L3MBTL4: variants seen among roughly 807,000 people sequenced by gnomAD.
L3MBTL4 encodes lethal(3)malignant brain tumor-like protein 4.
L3MBTL4 carries 70 observed loss-of-function variants against 84.5 expected under a neutral mutation model. The observed-to-expected ratio is 0.83, with a 90% confidence interval of 0.68 to 1.01. L3MBTL4 has a LOEUF of 1.01. Among genes scored for constraint, L3MBTL4 ranks in the 50% least tolerant of loss-of-function variants. L3MBTL4 has a pLI of 0.00. For synonymous variants in L3MBTL4, 274 were observed against 259.8 expected, an observed-to-expected ratio of 1.05 and a Z score of -0.52; for missense variants, 715 against 754.8, an observed-to-expected ratio of 0.95 and a Z score of 0.62.
At chr18:6,355,738 C>T (rs2053413454) in intron 1 of L3MBTL4, among the ~76,000 whole-genome samples, 1 of 152,046 alleles carries the variant, frequency 6.6e-6, no homozygotes, top group South Asian at 2.1e-4. Flanking sequence ...ATATTAAAAA[C>T]CCATTAACTT....
At chr18:6,411,698 T>C (rs1239126105) in intron 1 of L3MBTL4, among the ~76,000 whole-genome samples, 1 of 152,180 alleles carries the variant, frequency 6.6e-6, no homozygotes, top group Non-Finnish European at 1.5e-5. Context: ...TTTCTCTCAA[T>C]GCTAGTTTAG....
At chr18:6,199,188 C>T (rs2045539701) in intron 12 of L3MBTL4, among the ~76,000 whole-genome samples, 1 of 152,142 alleles carries the variant, frequency 6.6e-6, no homozygotes, top group African/African-American at 2.4e-5. Flanking sequence ...CATCAGCTTC[C>T]TAGGAGCAGG....
chr18:5,960,211 G>A, intron 17 of L3MBTL4, 55 bp from the exon 18 acceptor site: 2 of 1,089,530 alleles, frequency 1.8e-6, no homozygotes, highest in Non-Finnish European at 1.3e-6. Context: ...ATAATTTGGG[G>A]GTTGCAGTAA....
At chr18:6,066,742 G>A (rs183665430) in intron 16 of L3MBTL4, among the ~76,000 whole-genome samples, 1 of 151,896 alleles carries the variant, frequency 6.6e-6, no homozygotes, top group African/African-American at 2.4e-5. Flanking sequence ...TTAAGTTTAT[G>A]TGACTCCTTA....
At chr18:5,989,718 T>C (rs533536333) in intron 16 of L3MBTL4, among the ~76,000 whole-genome samples, 101 of 152,330 alleles carry the variant, frequency 6.6e-4, no homozygotes, top group African/African-American at 2.4e-3. Flanking sequence ...GCAGTTATTA[T>C]GTGCTCTCAG....
At position 6,002,116 on chromosome 18, in the gene L3MBTL4, C is replaced by T. The variant is rs780223001; in HGVS notation, c.1445-32554G>A. 5.9e-4 allele frequency among the ~76,000 whole-genome samples: 90 copies of T among 152,110 alleles called. 1 individual carries two copies. The highest frequency in any genetic ancestry group is 1.4e-3 in the Admixed American group (22 of 15,278). The stretch of plus-strand genomic sequence containing the variant: ...GAAGAATTTCTTAGCCAAAACTTTG[C>T]TGGCCAGAATGCAGTAGAATGATAT... On this transcript the variant is annotated intron_variant, in intron 16 of 18. Coordinates refer to ENST00000317931, the MANE Select transcript of L3MBTL4 (RefSeq NM_001330559.2).
At chr18:6,247,063 T>G (rs36032770) in intron 5 of L3MBTL4, among the ~76,000 whole-genome samples, 4 of 152,228 alleles carry the variant, frequency 2.6e-5, no homozygotes, top group African/African-American at 9.6e-5. Context: ...TATGTCTCTG[T>G]GAGCATATAC....
At chr18:5,976,043 T>C (rs1335933698) in intron 16 of L3MBTL4, among the ~76,000 whole-genome samples, 1 of 152,250 alleles carries the variant, frequency 6.6e-6, no homozygotes, top group Non-Finnish European at 1.5e-5. Flanking sequence ...CACTGCTTAG[T>C]GGGCTATCGA....
At chr18:6,085,382 A>C (rs761456121) in intron 15 of L3MBTL4, among the ~76,000 whole-genome samples, 1 of 152,246 alleles carries the variant, frequency 6.6e-6, no homozygotes, top group Non-Finnish European at 1.5e-5. Context: ...AACACATTGC[A>C]GATTAACAAA....
Position 6,388,790 on chromosome 18 carries a change from G to A in L3MBTL4, c.-91+26011C>T, listed in dbSNP as rs977406784. 9.2e-5 allele frequency among the ~76,000 whole-genome samples: 14 copies of A among 152,258 alleles called. No homozygotes were observed. The East Asian group carries it at 1.7e-3, about 19-fold the overall frequency. On this transcript the variant is annotated intron_variant, in intron 1 of 18. Transcript: ENST00000317931. ...GGCCAGGCACAGGCAGATGGACACC[G>A]GCTGTGTTGAGACACCCTGGGTCCT...
intron 12 of L3MBTL4, among the ~76,000 whole-genome samples, chr18:6,186,710 A>G (rs764981328): frequency 4.6e-5 from 7 of 152,106 alleles, no homozygotes; most frequent in Admixed American, 6.5e-5. Context: ...CAGCAAACGC[A>G]CCTTCCTTCC....
intron 14 of L3MBTL4, among the ~76,000 whole-genome samples, chr18:6,102,736 C>A (rs2058873724): frequency 6.6e-6 from 1 of 152,198 alleles, no homozygotes; most frequent in South Asian, 2.1e-4. Context: ...GGGCAACCTC[C>A]ACTGGAGCTA....
intron 14 of L3MBTL4, 110 bp from the exon 15 acceptor site, chr18:6,093,638 T>G: frequency 1.2e-6 from 1 of 866,372 alleles, no homozygotes; most frequent in Middle Eastern, 2.5e-4. Flanking sequence ...CATAGAAACA[T>G]TCTTCTTTCC....
intron 12 of L3MBTL4, among the ~76,000 whole-genome samples, chr18:6,202,091 G>A (rs1215470879): frequency 6.6e-6 from 1 of 152,148 alleles, no homozygotes; most frequent in African/African-American, 2.4e-5. Flanking sequence ...ATTCAAATAA[G>A]GCAAACACAG....
chr18:6,290,685 GC>G (rs1180934153), intron 4 of L3MBTL4, among the ~76,000 whole-genome samples: 1 of 151,896 alleles, frequency 6.6e-6, no homozygotes, highest in Non-Finnish European at 1.5e-5. Flanking sequence ...ACACCACCAT[GC>G]CCAGCTAATT....
intron 4 of L3MBTL4, among the ~76,000 whole-genome samples, chr18:6,284,368 G>A (rs1245476733): frequency 6.6e-6 from 1 of 152,168 alleles, no homozygotes; most frequent in Admixed American, 6.5e-5. Context: ...CCACATGTCA[G>A]ACCCACCCGG....
intron 16 of L3MBTL4, among the ~76,000 whole-genome samples, chr18:6,070,302 G>T (rs188125157): frequency 9.7e-4 from 147 of 152,174 alleles, no homozygotes; most frequent in South Asian, 2.1e-3. Flanking sequence ...GATAAAATGT[G>T]ACACACTCCA....
Position 6,225,176 on chromosome 18 carries a change from C to T in L3MBTL4, c.785-9341G>A, listed in dbSNP as rs529084243. On this transcript the variant is annotated intron_variant, in intron 10 of 18. Coordinates refer to ENST00000317931, the MANE Select transcript of L3MBTL4 (RefSeq NM_001330559.2). Reference sequence around the variant, plus strand: ...CAGGAGATCTAAAGTTCCAAAGCAACAAAGTAAAGAGAAATCCAAAGAGGG... The same window carrying T: ...CAGGAGATCTAAAGTTCCAAAGCAATAAAGTAAAGAGAAATCCAAAGAGGG... 9.9e-5 allele frequency among the ~76,000 whole-genome samples: 15 copies of T among 152,174 alleles called. No individual in the cohort carries two copies. In the East Asian group the frequency reaches 2.9e-3, roughly 29 times the overall value.
chr18:6,108,253 C>G (rs536150406), intron 14 of L3MBTL4, among the ~76,000 whole-genome samples: 1 of 152,174 alleles, frequency 6.6e-6, no homozygotes, highest in East Asian at 1.9e-4. Context: ...AACATCACTG[C>G]AGCCAGGGGA....
Sources: allele counts gnomAD v4.1 joint callset (sites outside exome capture counted in the v4.1 genomes callset), GRCh38; gene constraint gnomAD v4.1.1; transcripts MANE v1.5; gene names NCBI Gene and HGNC (gene_info 2026-07-23, HGNC 2026-07-21).